Variants in RASA1 observed in about 807,000 individuals in gnomAD.
RASA1 encodes ras GTPase-activating protein 1.
A neutral mutation model predicts 132.2 loss-of-function variants in RASA1; 25 were observed. That is an observed-to-expected ratio of 0.19 (90% CI 0.14 to 0.26). RASA1 has a LOEUF of 0.26. Among genes scored for constraint, RASA1 ranks in the 10% least tolerant of loss-of-function variants. The pLI is 1.00. For missense variants in RASA1, 964 were observed against 1,299.2 expected (o/e 0.74, Z 3.97); for synonymous variants, 477 against 449.9 (o/e 1.06, Z -0.76).
chr5:87,379,341 G>A (rs1047240828), intron 18 of RASA1, among the ~76,000 whole-genome samples: 2 of 152,238 alleles, frequency 1.3e-5, no homozygotes, highest in Middle Eastern at 3.4e-3. Context: ...ATAGATAAAT[G>A]TACTCTGCTG....
chr5:87,388,666 A>G (rs1465343987), intron 23 of RASA1, among the ~76,000 whole-genome samples: 1 of 152,224 alleles, frequency 6.6e-6, no homozygotes, highest in Non-Finnish European at 1.5e-5. Context: ...AACACTGATT[A>G]TTCCCACACA....
chr5:87,282,251 C>T (rs1403309131), intron 1 of RASA1, among the ~76,000 whole-genome samples: 1 of 152,048 alleles, frequency 6.6e-6, no homozygotes, highest in Non-Finnish European at 1.5e-5. Context: ...AAAGGTATGT[C>T]TGCTAGTAAC....
intron 11 of RASA1, among the ~76,000 whole-genome samples, chr5:87,364,380 T>A (rs1760347588): frequency 6.6e-6 from 1 of 152,146 alleles, no homozygotes; most frequent in Non-Finnish European, 1.5e-5. Context: ...ATCAAATAGG[T>A]TTGGGAAATG....
chr5:87,381,963 T>C (rs1406339850), intron 20 of RASA1, among the ~76,000 whole-genome samples: 1 of 152,178 alleles, frequency 6.6e-6, no homozygotes, highest in Admixed American at 6.5e-5. Flanking sequence ...TTAATTGTTA[T>C]TTTTTTGAGA....
chr5:87,341,963 A>G (rs1344137723), intron 6 of RASA1, among the ~76,000 whole-genome samples: 2 of 151,916 alleles, frequency 1.3e-5, no homozygotes, highest in Non-Finnish European at 2.9e-5. Flanking sequence ...TCAACTGACT[A>G]CTCCATTTGC....
chr5:87,376,852 T>G, intron 16 of RASA1, 29 bp from the exon 17 acceptor site: 1 of 1,563,088 alleles, frequency 6.4e-7, no homozygotes, highest in Non-Finnish European at 8.8e-7. Context: ...GCTACGTACT[T>G]TAAACAATCT....
intron 1 of RASA1, among the ~76,000 whole-genome samples, chr5:87,299,381 GTTAAT>G (rs1246082402): frequency 6.6e-6 from 1 of 152,114 alleles, no homozygotes; most frequent in Non-Finnish European, 1.5e-5. Context: ...TATTGGAAAA[GTTAAT>G]TTAAGTTCCT....
At chr5:87,289,493 T>G (rs1475749693) in intron 1 of RASA1, among the ~76,000 whole-genome samples, 2 of 152,208 alleles carry the variant, frequency 1.3e-5, no homozygotes, top group Admixed American at 6.5e-5. Flanking sequence ...CGTTGAAATT[T>G]ATTAGTTGGC....
At chr5:87,350,026 C>T (rs1426546601) in intron 8 of RASA1, among the ~76,000 whole-genome samples, 1 of 151,864 alleles carries the variant, frequency 6.6e-6, no homozygotes, top group Admixed American at 6.6e-5. Flanking sequence ...CAGAGGCTGG[C>T]ATAATCTTGT....
chr5:87,319,401 C>G (rs1199169625), intron 1 of RASA1, among the ~76,000 whole-genome samples: 2 of 152,236 alleles, frequency 1.3e-5, no homozygotes, highest in African/African-American at 4.8e-5. Flanking sequence ...GGAGTCCTGC[C>G]TGGACATCCA....
intron 1 of RASA1, among the ~76,000 whole-genome samples, chr5:87,304,714 C>G (rs139610408): frequency 6.6e-6 from 1 of 152,064 alleles, no homozygotes. Flanking sequence ...GTGATCCACC[C>G]GCATCTGCCT....
intron 1 of RASA1, among the ~76,000 whole-genome samples, chr5:87,286,039 G>T (rs7341073): frequency 2.0e-5 from 3 of 151,870 alleles, no homozygotes; most frequent in African/African-American, 4.8e-5. Flanking sequence ...GTTTCGCTCT[G>T]TAGCCCAGGC....
intron 1 of RASA1, among the ~76,000 whole-genome samples, chr5:87,301,916 A>C (rs1201295115): frequency 1.3e-5 from 2 of 152,164 alleles, no homozygotes; most frequent in African/African-American, 2.4e-5. Flanking sequence ...TTGTGACTAT[A>C]CCAACAGTGT....
rs140025838 is a variant in RASA1, at chr5:87,371,255, G to A, written c.1699-863G>A. Reference sequence around the variant, plus strand: ...CCAGTTTTTGTTGATTTATTGGGCTGTGGGGGTCTCTGGTTATTCTCTTCT... The same window carrying A: ...CCAGTTTTTGTTGATTTATTGGGCTATGGGGGTCTCTGGTTATTCTCTTCT... On this transcript the variant is annotated intron_variant, in intron 12 of 24. Transcript: ENST00000274376. 2.5e-3 allele frequency among the ~76,000 whole-genome samples: 379 copies of A among 152,064 alleles called. 1 individual carries two copies. Among genetic ancestry groups the A allele is most frequent in the African/African-American group, 8.6e-3 (357 of 41,498 alleles).
intron 1 of RASA1, among the ~76,000 whole-genome samples, chr5:87,274,826 G>C (rs1050714019): frequency 6.6e-6 from 1 of 152,064 alleles, no homozygotes; most frequent in African/African-American, 2.4e-5. Flanking sequence ...GATGCTCTTC[G>C]CTTAATGATT....
At chr5:87,383,377 C>G (rs1184651477) in intron 20 of RASA1, among the ~76,000 whole-genome samples, 1 of 152,072 alleles carries the variant, frequency 6.6e-6, no homozygotes, top group Non-Finnish European at 1.5e-5. Context: ...ATACTACTTT[C>G]TCTAAGTATC....
chr5:87,378,599 T>G (rs1761484958), intron 18 of RASA1, 61 bp downstream of exon 18: 1 of 1,466,670 alleles, frequency 6.8e-7, no homozygotes, highest in Non-Finnish European at 9.4e-7. Flanking sequence ...AGGTAATAAT[T>G]TGTAGCCAAT....
intron 5 of RASA1, among the ~76,000 whole-genome samples, chr5:87,338,536 A>ATATATATATTTTTTTTTTTTTT: frequency 4.7e-5 from 4 of 85,218 alleles, no homozygotes; most frequent in African/African-American, 1.8e-4. Flanking sequence ...TATATATAAA[A>ATATATATATTTTTTTTTTTTTT]TTTTTTTTTT....
intron 1 of RASA1, among the ~76,000 whole-genome samples, chr5:87,306,316 G>T (rs370438045): frequency 1.3e-5 from 2 of 152,082 alleles, no homozygotes; most frequent in Admixed American, 1.3e-4. Flanking sequence ...TGTCCTTTGC[G>T]GGGACATGGA....
Sources: allele counts gnomAD v4.1 joint callset (sites outside exome capture counted in the v4.1 genomes callset), GRCh38; gene constraint gnomAD v4.1.1; transcripts MANE v1.5; gene names NCBI Gene and HGNC (gene_info 2026-07-23, HGNC 2026-07-21).